Variants in MRPS6 observed in about 807,000 individuals in gnomAD.
MRPS6 encodes the protein mitochondrial ribosomal protein S6, also known as small ribosomal subunit protein bS6m.
A neutral mutation model predicts 13.1 loss-of-function variants in MRPS6; 6 were observed. The ratio of observed to expected loss-of-function variants is 0.46; its 90% CI spans 0.25 to 0.91. The LOEUF is 0.91. Ranked by LOEUF, MRPS6 falls within the 40% of genes least tolerant of loss-of-function variation. The pLI is 0.18. For missense variants in MRPS6, 164 were observed against 155.6 expected (o/e 1.05, Z -0.29); for synonymous variants, 61 against 56.5 (o/e 1.08, Z -0.36).
At chr21:34,125,922 T>C (rs886654697) in intron 2 of MRPS6, among the ~76,000 whole-genome samples, 1 of 152,220 alleles carries the variant, frequency 6.6e-6, no homozygotes, top group Non-Finnish European at 1.5e-5. Context: ...AAAATGGTAA[T>C]ACCTACTCCA....
intron 1 of MRPS6, among the ~76,000 whole-genome samples, chr21:34,074,052 G>A (rs2148649354): frequency 6.9e-6 from 1 of 145,938 alleles, no homozygotes; most frequent in East Asian, 2.1e-4. Flanking sequence ...CCCCGATCCC[G>A]GCGCCGGCCC....
At chr21:34,116,784 A>G (rs1308360578) in intron 1 of MRPS6, among the ~76,000 whole-genome samples, 1 of 152,110 alleles carries the variant, frequency 6.6e-6, no homozygotes, top group Non-Finnish European at 1.5e-5. Flanking sequence ...GGTAATTAAC[A>G]TTTATTGCCC....
At chr21:34,138,220 G>A (rs1181570623) in intron 2 of MRPS6, among the ~76,000 whole-genome samples, 1 of 151,990 alleles carries the variant, frequency 6.6e-6, no homozygotes, top group Non-Finnish European at 1.5e-5. Context: ...TGTTCACTCT[G>A]ATGGTAGTTT....
At chr21:34,135,256 T>C (rs138215586) in intron 2 of MRPS6, among the ~76,000 whole-genome samples, 23 of 151,846 alleles carry the variant, frequency 1.5e-4, no homozygotes, top group Non-Finnish European at 3.2e-4. Context: ...TTCTTTGGGG[T>C]AAATACCTAG....
Position 34,114,169 on chromosome 21 carries a change from C to G in MRPS6, c.46-11172C>G, listed in dbSNP as rs1602950197. Reference sequence around the variant, plus strand: ...AATGGAAACCTCTCAGCAAGAGGATCATGGACTTTAAAATGTCCTTAGAAT... The same window carrying G: ...AATGGAAACCTCTCAGCAAGAGGATGATGGACTTTAAAATGTCCTTAGAAT... On this transcript the variant is annotated intron_variant, in intron 1 of 2. Coordinates refer to ENST00000399312, the MANE Select transcript of MRPS6 (RefSeq NM_032476.4). Among the ~76,000 whole-genome samples, 3 of 152,278 alleles carry G rather than the reference C, an allele frequency of 2.0e-5. No individual in the cohort carries two copies. In the East Asian group the frequency reaches 5.8e-4, roughly 29 times the overall value.
chr21:34,111,522 A>G (rs1253776894), intron 1 of MRPS6, among the ~76,000 whole-genome samples: 1 of 152,220 alleles, frequency 6.6e-6, no homozygotes, highest in African/African-American at 2.4e-5. Context: ...ATCAGACATC[A>G]TGTTCTTCAC....
At chr21:34,126,944 G>A (rs1382855048) in intron 2 of MRPS6, among the ~76,000 whole-genome samples, 2 of 152,144 alleles carry the variant, frequency 1.3e-5, no homozygotes, top group Non-Finnish European at 2.9e-5. Context: ...AGACCTCTGT[G>A]TGCAGTGGTG....
chr21:34,087,973 G>A (rs1978482337), intron 1 of MRPS6, among the ~76,000 whole-genome samples: 1 of 152,344 alleles, frequency 6.6e-6, no homozygotes, highest in Non-Finnish European at 1.5e-5. Flanking sequence ...CAATAGTGAG[G>A]ATGAAGTTGC....
chr21:34,097,931 C>T (rs141756999), intron 1 of MRPS6: 10 of 996,470 alleles, frequency 1.0e-5, no homozygotes, highest in Middle Eastern at 5.2e-4. Context: ...AGAATGTTTT[C>T]CTGTAGGTAT....
chr21:34,099,448 A>G (rs879119484), intron 1 of MRPS6: 10 of 1,000,176 alleles, frequency 1.0e-5, no homozygotes, highest in Non-Finnish European at 1.2e-5. Flanking sequence ...TGTTTGGGAA[A>G]GTAATAAGAT....
intron 2 of MRPS6, among the ~76,000 whole-genome samples, chr21:34,127,778 AATCCAT>A (rs781049523): frequency 6.6e-6 from 1 of 152,232 alleles, no homozygotes; most frequent in Non-Finnish European, 1.5e-5. Context: ...TATGTGCATT[AATCCAT>A]AGCCACAGAA....
intron 1 of MRPS6, among the ~76,000 whole-genome samples, chr21:34,086,301 A>T (rs148461249): frequency 2.0e-5 from 3 of 152,114 alleles, no homozygotes; most frequent in Non-Finnish European, 2.9e-5. Context: ...TTTTAGAGAA[A>T]AGATTAATTC....
chr21:34,141,326 G>A (rs913924683), intron 2 of MRPS6, among the ~76,000 whole-genome samples: 1 of 152,204 alleles, frequency 6.6e-6, no homozygotes, highest in Admixed American at 6.5e-5. Context: ...CTTGAGTGAG[G>A]GCAATGGAGA....
chr21:34,131,913 A>G (rs1980515113), intron 2 of MRPS6, among the ~76,000 whole-genome samples: 1 of 152,204 alleles, frequency 6.6e-6, no homozygotes, highest in Non-Finnish European at 1.5e-5. Flanking sequence ...GGATGAGACC[A>G]TGTGTGCCTC....
At chr21:34,142,342 C>T (rs1260268352) in intron 2 of MRPS6, 66 bp from the exon 3 acceptor site, 1 of 1,505,882 alleles carries the variant, frequency 6.6e-7, no homozygotes, top group Admixed American at 2.3e-5. Context: ...AATGGAAACA[C>T]TGACCAAAAT....
intron 1 of MRPS6, among the ~76,000 whole-genome samples, chr21:34,107,957 T>C (rs1979545826): frequency 6.6e-6 from 1 of 152,180 alleles, no homozygotes; most frequent in Non-Finnish European, 1.5e-5. Context: ...CTGGGCCCTT[T>C]CAGTGTACAG....
intron 1 of MRPS6, among the ~76,000 whole-genome samples, chr21:34,121,093 C>T (rs1341671144): frequency 1.3e-5 from 2 of 152,168 alleles, no homozygotes; most frequent in Non-Finnish European, 2.9e-5. Context: ...GTCCTTGCTC[C>T]TCTGTAGCTT....
rs115027978 is a variant in MRPS6 at position 34,101,227 on chromosome 21, A to C, written c.46-24114A>C. 4.5e-4 allele frequency: 452 copies of C among 1,000,152 alleles called. 1 individual carries two copies. In the African/African-American group the frequency reaches 7.5e-3, roughly 17 times the overall value. 62.0% of individuals were successfully genotyped at this position (1,000,152 alleles called of 1,614,324 possible). On this transcript the variant is annotated intron_variant, in intron 1 of 2. Transcript: ENST00000399312. ...TTAGCTTAAAATCTGCATATGTAGA[A>C]TCATTTTCATTAGATTTAGAGCTTG...
At chr21:34,137,712 C>T (rs2123274669) in intron 2 of MRPS6, among the ~76,000 whole-genome samples, 1 of 151,796 alleles carries the variant, frequency 6.6e-6, no homozygotes, top group African/African-American at 2.4e-5. Context: ...GGTGAAATGT[C>T]AGCTGTAGAT....
Sources: allele counts gnomAD v4.1 joint callset (sites outside exome capture counted in the v4.1 genomes callset), GRCh38; gene constraint gnomAD v4.1.1; transcripts MANE v1.5; gene names NCBI Gene and HGNC (gene_info 2026-07-23, HGNC 2026-07-21).